Variants in PRKCA observed in about 807,000 individuals in gnomAD.
The protein encoded by PRKCA is protein kinase C alpha, also known as protein kinase C alpha type.
A neutral mutation model predicts 87.0 loss-of-function variants in PRKCA; 27 were observed. That is an observed-to-expected ratio of 0.31 (90% CI 0.23 to 0.43). The LOEUF is 0.43. Ranked by LOEUF, PRKCA falls within the 20% of genes least tolerant of loss-of-function variation. The probability of loss-of-function intolerance (pLI) is 1.00; values close to 1 mark genes in which losing one functional copy is unlikely to be tolerated. For synonymous variants in PRKCA, 329 were observed against 311.1 expected (o/e 1.06, Z -0.61); for missense variants, 518 against 852.3 (o/e 0.61, Z 4.88).
chr17:66,477,832 T>A (rs1340982322), intron 2 of PRKCA, among the ~76,000 whole-genome samples: 1 of 152,204 alleles, frequency 6.6e-6, no homozygotes, highest in African/African-American at 2.4e-5. Flanking sequence ...TTTAGAACAT[T>A]CTCATTGCCC....
chr17:66,614,245 T>C (rs930830486), intron 3 of PRKCA, among the ~76,000 whole-genome samples: 7 of 152,206 alleles, frequency 4.6e-5, no homozygotes, highest in African/African-American at 1.7e-4. Context: ...GGTACATTTT[T>C]AATGATTGTA....
chr17:66,404,126 T>G (rs1323679125), intron 2 of PRKCA: 4 of 152,192 alleles, frequency 2.6e-5, no homozygotes, highest in Non-Finnish European at 5.9e-5. Context: ...TCCTCAGCCT[T>G]AGCTCCCCAA....
chr17:66,743,780 G>C (rs571763403), intron 13 of PRKCA, among the ~76,000 whole-genome samples: 1 of 152,080 alleles, frequency 6.6e-6, no homozygotes, highest in African/African-American at 2.4e-5. Context: ...GTTGGCAGCC[G>C]GTCTCACATT....
At chr17:66,665,558 A>G (rs1972021311) in intron 5 of PRKCA, among the ~76,000 whole-genome samples, 1 of 151,822 alleles carries the variant, frequency 6.6e-6, no homozygotes, top group Non-Finnish European at 1.5e-5. Context: ...CCTGCTAAGC[A>G]CTCACTCCTC....
At chr17:66,633,842 G>T (rs553710145) in intron 3 of PRKCA, among the ~76,000 whole-genome samples, 2 of 152,224 alleles carry the variant, frequency 1.3e-5, no homozygotes, top group African/African-American at 4.8e-5. Context: ...TGTGAAGGGA[G>T]CGTTAACTCC....
At chr17:66,545,682 A>C (rs141977064) in intron 3 of PRKCA, among the ~76,000 whole-genome samples, 103 of 152,338 alleles carry the variant, frequency 6.8e-4, no homozygotes, top group African/African-American at 2.4e-3. Context: ...TTCTTCAAGG[A>C]AAAATGTCAG....
rs899485118 is a variant in PRKCA, at chr17:66,316,446, A to G, written c.205+10319A>G. On this transcript the variant is annotated intron_variant, in intron 2 of 16. Transcript: ENST00000413366. ...TAAGCTTGTTCAACCGGTGGGCCGC[A>G]TGCAGCCCAGGATGGCTTAGAATGT... Among the ~76,000 whole-genome samples, 100 of 152,310 alleles carry G rather than the reference A, an allele frequency of 6.6e-4. 1 individual carries two copies. The highest frequency in any genetic ancestry group is 2.3e-3 in the African/African-American group (97 of 41,588).
intron 8 of PRKCA, among the ~76,000 whole-genome samples, chr17:66,710,634 G>T (rs1007284536): frequency 2.6e-5 from 4 of 151,940 alleles, no homozygotes; most frequent in African/African-American, 9.7e-5. Context: ...TAGTCTGTGT[G>T]CTCCCTTCCA....
At chr17:66,400,499 C>T (rs780437401) in intron 2 of PRKCA, among the ~76,000 whole-genome samples, 5 of 152,170 alleles carry the variant, frequency 3.3e-5, no homozygotes, top group Non-Finnish European at 7.3e-5. Context: ...TTTCGTCTTG[C>T]AAAACTGAAA....
intron 2 of PRKCA, among the ~76,000 whole-genome samples, chr17:66,386,791 A>G (rs191636491): frequency 5.5e-5 from 8 of 144,632 alleles, no homozygotes; most frequent in Non-Finnish European, 1.2e-4. Flanking sequence ...TTAACCTCTA[A>G]AAGCCTTTTT....
At chr17:66,338,801 A>G (rs960477693) in intron 2 of PRKCA, among the ~76,000 whole-genome samples, 2 of 152,220 alleles carry the variant, frequency 1.3e-5, no homozygotes, top group African/African-American at 4.8e-5. Flanking sequence ...CAGGAGTTTC[A>G]TACAGCGGTG....
intron 3 of PRKCA, among the ~76,000 whole-genome samples, chr17:66,552,650 C>T (rs1295914026): frequency 1.3e-5 from 2 of 152,324 alleles, no homozygotes; most frequent in East Asian, 3.9e-4. Context: ...ATTGCACTGT[C>T]AGGAGAGAAC....
At chr17:66,786,358 C>T (rs1236017538) in intron 14 of PRKCA, among the ~76,000 whole-genome samples, 3 of 152,074 alleles carry the variant, frequency 2.0e-5, no homozygotes, top group Non-Finnish European at 4.4e-5. Context: ...GCTGGAAGGC[C>T]CTCCCTCAGA....
chr17:66,358,191 G>A (rs908416796), intron 2 of PRKCA, among the ~76,000 whole-genome samples: 27 of 151,594 alleles, frequency 1.8e-4, no homozygotes, highest in Admixed American at 1.1e-3. Context: ...GTTTATTAGC[G>A]TTGGGATGGG....
At chr17:66,431,736 A>G (rs1913108595) in intron 2 of PRKCA, among the ~76,000 whole-genome samples, 1 of 152,182 alleles carries the variant, frequency 6.6e-6, no homozygotes, top group African/African-American at 2.4e-5. Flanking sequence ...AATGGAATTG[A>G]TTCCTGAGTT....
At chr17:66,625,418 A>G (rs950425811) in intron 3 of PRKCA, among the ~76,000 whole-genome samples, 2 of 152,154 alleles carry the variant, frequency 1.3e-5, no homozygotes, top group African/African-American at 2.4e-5. Context: ...TTAAAACTCT[A>G]TTGACTTGTA....
At chr17:66,446,777 T>C (rs1255896138) in intron 2 of PRKCA, among the ~76,000 whole-genome samples, 2 of 152,062 alleles carry the variant, frequency 1.3e-5, no homozygotes, top group African/African-American at 4.8e-5. Context: ...TGGGCTGCAG[T>C]GGAAGAGGAT....
intron 3 of PRKCA, among the ~76,000 whole-genome samples, chr17:66,563,539 C>G (rs1968780648): frequency 6.6e-6 from 1 of 152,212 alleles, no homozygotes; most frequent in African/African-American, 2.4e-5. Context: ...ATTCCATCAT[C>G]TGGGTATACC....
intron 2 of PRKCA, among the ~76,000 whole-genome samples, chr17:66,365,822 A>G (rs933806775): frequency 5.3e-5 from 8 of 152,204 alleles, no homozygotes; most frequent in African/African-American, 1.9e-4. Flanking sequence ...TAAATGATTT[A>G]TTATGCACCA....
Sources: gnomAD v4.1 joint callset for allele counts (sites outside exome capture counted in the v4.1 genomes callset) on GRCh38, gnomAD v4.1.1 for gene constraint, MANE v1.5 for transcripts, NCBI Gene and HGNC (gene_info 2026-07-23, HGNC 2026-07-21) for gene names.